LRP1B: variants seen among roughly 807,000 people sequenced by gnomAD.
LRP1B encodes the protein LDL receptor related protein 1B, also known as low-density lipoprotein receptor-related protein 1B.
In LRP1B, 217 loss-of-function variants were observed where a neutral mutation model predicts 556.6. The ratio of observed to expected loss-of-function variants is 0.39; its 90% CI spans 0.35 to 0.44. The LOEUF (loss-of-function observed/expected upper bound fraction) is 0.44, where lower values mean the gene tolerates loss of function less well. LRP1B is among the 20% of genes least tolerant of loss of function. The pLI, the probability that LRP1B is intolerant of heterozygous loss-of-function variation, is 1.00. For synonymous variants in LRP1B, 2,047 were observed against 1,865.8 expected, an observed-to-expected ratio of 1.10 and a Z score of -2.50; for missense variants, 5,053 against 5,620.8, an observed-to-expected ratio of 0.90 and a Z score of 3.23.
At chr2:140,591,600 G>A (rs1335105778) in intron 43 of LRP1B, among the ~76,000 whole-genome samples, 1 of 152,168 alleles carries the variant, frequency 6.6e-6, no homozygotes, top group African/African-American at 2.4e-5. Flanking sequence ...AGTGGGGTAA[G>A]GTGGGGATGA....
In LRP1B at chr2:140,457,549, G is replaced by A. The variant is rs1441967239; in HGVS notation, c.9728C>T (p.Thr3243Ile). ...CAGTGAGAGTCTGTCTGCTCCCGAT[G>A]TTTTATGGGCACGGCTGAGTGACTT... ...KTKSLSRAHK[T>I]SGADRLSLIY... is the part of the protein sequence containing the mutation. Residue 3243 changes from threonine to isoleucine, a missense_variant, in exon 61 of 91, where the codon ACA (threonine) becomes ATA (isoleucine). Transcript: ENST00000389484. 9 of 1,613,690 alleles carry A rather than the reference G, an allele frequency of 5.6e-6. No homozygotes were observed. Among genetic ancestry groups the A allele is most frequent in the South Asian group, 1.1e-5 (1 of 91,076 alleles).
At chr2:141,639,495 C>A (rs1689252320) in intron 2 of LRP1B, among the ~76,000 whole-genome samples, 1 of 148,574 alleles carries the variant, frequency 6.7e-6, no homozygotes. Flanking sequence ...TGGCTCACTG[C>A]AACCTCTGTA....
rs1405696298 is a variant in LRP1B at position 141,486,842 on chromosome 2, A to G, written c.206-6309T>C. Among the ~76,000 whole-genome samples, 4 of 152,100 alleles carry G rather than the reference A, an allele frequency of 2.6e-5. No individual in the cohort carries two copies. The East Asian group carries it at 5.8e-4, about 22-fold the overall frequency. ...ACTTTTAAACTTCTTCAAAACATAG[A>G]CTGCACCTGCTGCATGCCTATTCCC... is the stretch of plus-strand genomic sequence containing the variant. On this transcript the variant is annotated intron_variant, in intron 2 of 90. Coordinates refer to ENST00000389484, the MANE Select transcript of LRP1B (RefSeq NM_018557.3).
At chr2:141,669,270 TGAAGACAAAGC>T (rs1425898687) in intron 2 of LRP1B, among the ~76,000 whole-genome samples, 2 of 152,130 alleles carry the variant, frequency 1.3e-5, no homozygotes, top group Admixed American at 1.3e-4. Flanking sequence ...GAACACCATG[TGAAGACAAAGC>T]GAAGACAAAG....
At chr2:141,639,422 ATT>A (rs1422219990) in intron 2 of LRP1B, among the ~76,000 whole-genome samples, 3 of 128,966 alleles carry the variant, frequency 2.3e-5, no homozygotes, top group Admixed American at 8.2e-5. Flanking sequence ...ATATATATAT[ATT>A]TTTTTTTGAG....
chr2:140,237,729 C>T (rs751673503), intron 89 of LRP1B, among the ~76,000 whole-genome samples: 10 of 150,670 alleles, frequency 6.6e-5, no homozygotes, highest in Non-Finnish European at 1.5e-4. Flanking sequence ...CATTGAAAGT[C>T]AGTAGCTTTA....
chr2:141,380,472 T>C (rs905502526), intron 3 of LRP1B, among the ~76,000 whole-genome samples: 6 of 152,274 alleles, frequency 3.9e-5, no homozygotes, highest in Middle Eastern at 3.4e-3. Context: ...CTTCAACTTC[T>C]CCTAAGATGT....
chr2:142,052,121 C>T (rs190203979), intron 1 of LRP1B, among the ~76,000 whole-genome samples: 5 of 151,988 alleles, frequency 3.3e-5, no homozygotes, highest in East Asian at 1.9e-4. Context: ...ATAGTCAAAA[C>T]GTCTTTCAGA....
chr2:141,094,388 A>G (rs1013381245), intron 7 of LRP1B, among the ~76,000 whole-genome samples: 2 of 152,178 alleles, frequency 1.3e-5, no homozygotes. Context: ...AAATGTTTAA[A>G]CTTTCAGCTT....
intron 1 of LRP1B, among the ~76,000 whole-genome samples, chr2:141,826,654 C>A (rs1038086686): frequency 6.6e-6 from 1 of 151,894 alleles, no homozygotes; most frequent in Non-Finnish European, 1.5e-5. Flanking sequence ...CCACCACGCC[C>A]GACCAGAAGT....
intron 2 of LRP1B, among the ~76,000 whole-genome samples, chr2:141,599,068 C>A (rs1289409225): frequency 3.0e-5 from 3 of 99,196 alleles, no homozygotes; most frequent in Non-Finnish European, 6.0e-5. Context: ...CCCCCCCCCC[C>A]CCCCCCGCTT....
intron 1 of LRP1B, among the ~76,000 whole-genome samples, chr2:141,883,195 G>A (rs1699010422): frequency 6.6e-6 from 1 of 152,114 alleles, no homozygotes. Flanking sequence ...AGCCAACAAG[G>A]AGAAATATTT....
At chr2:140,574,049 T>G (rs1681426717) in intron 43 of LRP1B, among the ~76,000 whole-genome samples, 1 of 152,054 alleles carries the variant, frequency 6.6e-6, no homozygotes, top group Admixed American at 6.6e-5. Context: ...AAATTTAATG[T>G]TTTACTTTCT....
At chr2:141,293,671 G>A (rs1314916106) in intron 3 of LRP1B, among the ~76,000 whole-genome samples, 1 of 142,098 alleles carries the variant, frequency 7.0e-6, no homozygotes, top group African/African-American at 2.6e-5. Context: ...TTTTCTTTTA[G>A]ATTGGTATAT....
At chr2:140,382,266 G>C (rs1440962005) in intron 67 of LRP1B, among the ~76,000 whole-genome samples, 1 of 151,940 alleles carries the variant, frequency 6.6e-6, no homozygotes, top group Non-Finnish European at 1.5e-5. Context: ...GGCAGAAGCA[G>C]CTTGTCTCTC....
intron 3 of LRP1B, among the ~76,000 whole-genome samples, chr2:141,315,737 A>T (rs1201774699): frequency 6.6e-6 from 1 of 151,952 alleles, no homozygotes; most frequent in East Asian, 1.9e-4. Context: ...TCAGAAGCTG[A>T]GTTCACTGGC....
chr2:140,326,659 G>T (rs1680497103), intron 79 of LRP1B, among the ~76,000 whole-genome samples: 1 of 151,852 alleles, frequency 6.6e-6, no homozygotes, highest in African/African-American at 2.4e-5. Context: ...AGGTCAGTGA[G>T]CTGAGATCAG....
chr2:140,901,526 A>G (rs4954862), intron 23 of LRP1B, among the ~76,000 whole-genome samples: 35,115 of 152,020 alleles, frequency 0.23, 4,249 homozygotes, highest in Non-Finnish European at 0.26. Context: ...ATCAGGGTAA[A>G]TGGGATATCC....
At chr2:141,093,499 A>G (rs1356073902) in intron 7 of LRP1B, among the ~76,000 whole-genome samples, 1 of 152,146 alleles carries the variant, frequency 6.6e-6, no homozygotes, top group Non-Finnish European at 1.5e-5. Context: ...AAGTTTAGCA[A>G]TTTAAAATGA....
Sources: allele counts gnomAD v4.1 joint callset (sites outside exome capture counted in the v4.1 genomes callset), GRCh38; gene constraint gnomAD v4.1.1; transcripts MANE v1.5; gene names NCBI Gene and HGNC (gene_info 2026-07-23, HGNC 2026-07-21).